The following REC114 variants were observed in gnomAD, a reference collection of about 807,000 sequenced individuals.
REC114 encodes meiotic recombination protein REC114.
In REC114, 27 loss-of-function variants were observed where a neutral mutation model predicts 31.3. The observed-to-expected ratio is 0.86, with a 90% confidence interval of 0.64 to 1.19. The LOEUF (loss-of-function observed/expected upper bound fraction) is 1.19. REC114 is among the 50% of genes most tolerant of loss of function. The pLI is 0.00. For missense variants in REC114, 344 were observed against 326.9 expected, an observed-to-expected ratio of 1.05 and a Z score of -0.40; for synonymous variants, 134 against 127.7, an observed-to-expected ratio of 1.05 and a Z score of -0.33.
At chr15:73,543,665 C>T (rs574272409) in intron 3 of REC114, among the ~76,000 whole-genome samples, 7 of 152,200 alleles carry the variant, frequency 4.6e-5, no homozygotes, top group African/African-American at 1.7e-4. Context: ...TATTTTCAGC[C>T]AGTTATTATT....
intron 2 of REC114, among the ~76,000 whole-genome samples, chr15:73,496,643 A>G (rs1020904487): frequency 4.1e-5 from 6 of 146,574 alleles, no homozygotes; most frequent in Non-Finnish European, 7.5e-5. Flanking sequence ...ACACGGTGAG[A>G]CTCCATCCAA....
chr15:73,470,532 T>A (rs1296966237), intron 1 of REC114, among the ~76,000 whole-genome samples: 1 of 152,186 alleles, frequency 6.6e-6, no homozygotes, highest in African/African-American at 2.4e-5. Context: ...TCTTATTTAC[T>A]TAACCATCCA....
At chr15:73,465,729 A>G (rs914219277) in intron 1 of REC114, among the ~76,000 whole-genome samples, 1 of 152,250 alleles carries the variant, frequency 6.6e-6, no homozygotes, top group Non-Finnish European at 1.5e-5. Context: ...TATGCAGCGG[A>G]CATTCTCTCT....
In REC114 at chr15:73,443,216, C is replaced by T. The variant is rs1274587754; in HGVS notation, c.31C>T (p.Leu11Phe). 6.3e-7 allele frequency: 1 copy of T among 1,575,596 alleles called. No individual in the cohort carries two copies. The highest frequency in any genetic ancestry group is 8.6e-7 in the Non-Finnish European group (1 of 1,161,656). Residue 11 changes from leucine to phenylalanine, a missense_variant, in exon 1 of 6, where the codon CTC (leucine) becomes TTC (phenylalanine). Leu to Phe is a conservative substitution (Grantham distance 22). Coordinates refer to ENST00000331090, the MANE Select transcript of REC114 (RefSeq NM_001042367.2). Reference protein sequence around the residue: MAEAGKVPLSLGLTGGEAAEW... With the variant: MAEAGKVPLSFGLTGGEAAEW... ...GGAGGCAGGAAAAGTGCCCTTGAGC[C>T]TCGGGCTTACCGGAGGAGAAGCGGC...
At chr15:73,487,021 CA>C (rs139331434) in intron 2 of REC114, among the ~76,000 whole-genome samples, 123 of 143,076 alleles carry the variant, frequency 8.6e-4, no homozygotes, top group Admixed American at 1.0e-3. Context: ...AACTCTGTCT[CA>C]AAAAAAAAAA....
At chr15:73,448,668 T>A (rs1892801483) in intron 1 of REC114, among the ~76,000 whole-genome samples, 1 of 152,184 alleles carries the variant, frequency 6.6e-6, no homozygotes, top group Non-Finnish European at 1.5e-5. Context: ...GACTGCCTCC[T>A]AAAGTGGGTC....
At chr15:73,466,738 A>G (rs1165322556) in intron 1 of REC114, among the ~76,000 whole-genome samples, 2 of 152,244 alleles carry the variant, frequency 1.3e-5, no homozygotes, top group Non-Finnish European at 2.9e-5. Context: ...ATATTTTGTG[A>G]ACTAAAATTT....
At chr15:73,452,160 AG>A (rs1289482472) in intron 1 of REC114, among the ~76,000 whole-genome samples, 1 of 152,180 alleles carries the variant, frequency 6.6e-6, no homozygotes, top group East Asian at 1.9e-4. Context: ...AAAGAAATAA[AG>A]GGTATTCAGA....
chr15:73,545,368 TAA>T (rs767134004), intron 3 of REC114, among the ~76,000 whole-genome samples: 3 of 152,196 alleles, frequency 2.0e-5, no homozygotes, highest in Non-Finnish European at 2.9e-5. Flanking sequence ...AATTATGGCA[TAA>T]AAATAAATCT....
chr15:73,554,859 C>G (rs912361253), intron 4 of REC114, among the ~76,000 whole-genome samples: 2 of 152,156 alleles, frequency 1.3e-5, no homozygotes, highest in Non-Finnish European at 2.9e-5. Flanking sequence ...TTTGTGTGAG[C>G]TGAAATGATA....
intron 2 of REC114, among the ~76,000 whole-genome samples, chr15:73,523,643 G>A (rs1893966602): frequency 6.6e-6 from 1 of 152,148 alleles, no homozygotes; most frequent in Admixed American, 6.5e-5. Context: ...TTCTTAATCT[G>A]TGGCTTGCTT....
intron 2 of REC114, among the ~76,000 whole-genome samples, chr15:73,489,790 C>T (rs1211650691): frequency 6.6e-6 from 1 of 151,786 alleles, no homozygotes; most frequent in African/African-American, 2.4e-5. Flanking sequence ...ACCCAGCCTT[C>T]CTCAGGCAGC....
intron 2 of REC114, among the ~76,000 whole-genome samples, chr15:73,482,894 ATT>A (rs199807391): frequency 7.2e-5 from 10 of 139,654 alleles, no homozygotes; most frequent in East Asian, 2.1e-4. Flanking sequence ...TCTATTTTTG[ATT>A]TTTTTTTTTT....
chr15:73,449,282 C>T (rs888072982), intron 1 of REC114, among the ~76,000 whole-genome samples: 1 of 152,020 alleles, frequency 6.6e-6, no homozygotes, highest in Non-Finnish European at 1.5e-5. Context: ...ACTAGAATAA[C>T]CTGTTTAGAA....
chr15:73,503,925 T>C (rs1033847436), intron 2 of REC114, among the ~76,000 whole-genome samples: 2 of 152,050 alleles, frequency 1.3e-5, no homozygotes, highest in Non-Finnish European at 2.9e-5. Context: ...TATATAAGTT[T>C]TAAATTTTTA....
At chr15:73,509,899 G>C (rs1487833568) in intron 2 of REC114, among the ~76,000 whole-genome samples, 3 of 151,390 alleles carry the variant, frequency 2.0e-5, no homozygotes, top group Non-Finnish European at 3.0e-5. Context: ...TTGTTCTTTT[G>C]GCTTAGGATT....
intron 2 of REC114, among the ~76,000 whole-genome samples, chr15:73,518,674 T>A (rs1006468832): frequency 2.0e-5 from 3 of 151,984 alleles, no homozygotes; most frequent in African/African-American, 7.2e-5. Context: ...GGAGGGGTGA[T>A]CTCCCAAAGG....
At chr15:73,466,357 A>G (rs1350261137) in intron 1 of REC114, among the ~76,000 whole-genome samples, 1 of 151,978 alleles carries the variant, frequency 6.6e-6, no homozygotes. Context: ...GTTTGAGACC[A>G]GCCTGGCCAA....
chr15:73,557,807 A>G (rs1021007335), intron 5 of REC114, among the ~76,000 whole-genome samples: 10 of 152,238 alleles, frequency 6.6e-5, no homozygotes, highest in Non-Finnish European at 7.3e-5. Flanking sequence ...GCTCAGATAC[A>G]TTACTTACTT....
Sources: allele counts gnomAD v4.1 joint callset (sites outside exome capture counted in the v4.1 genomes callset), GRCh38; gene constraint gnomAD v4.1.1; transcripts MANE v1.5; gene names NCBI Gene and HGNC (gene_info 2026-07-23, HGNC 2026-07-21).